PNPLA3: variants seen among roughly 807,000 people sequenced by gnomAD.
The protein encoded by PNPLA3 is patatin like domain 3, 1-acylglycerol-3-phosphate O-acyltransferase.
In PNPLA3, 42 loss-of-function variants were observed where a neutral mutation model predicts 43.1. The observed-to-expected ratio is 0.97, with a 90% CI of 0.76 to 1.26. PNPLA3 has a LOEUF of 1.26. PNPLA3 is among the 50% of genes most tolerant of loss of function. PNPLA3 has a pLI of 0.00. For synonymous variants in PNPLA3, 272 were observed against 253.6 expected, an observed-to-expected ratio of 1.07 and a Z score of -0.69; for missense variants, 647 against 621.4, an observed-to-expected ratio of 1.04 and a Z score of -0.44.
intron 2 of PNPLA3, among the ~76,000 whole-genome samples, chr22:43,928,438 G>A (rs1032823970): frequency 1.3e-5 from 2 of 152,136 alleles, no homozygotes; most frequent in Admixed American, 6.5e-5. Flanking sequence ...GGGGAGGGAC[G>A]CAGAATCTCT....
chr22:43,945,315 G>A (rs892222116), intron 8 of PNPLA3, among the ~76,000 whole-genome samples: 1 of 152,316 alleles, frequency 6.6e-6, no homozygotes, highest in African/African-American at 2.4e-5. Context: ...GTGAAGCCTA[G>A]CAGTCTGCGT....
chr22:43,933,617 T>C (rs1405573711), intron 4 of PNPLA3, among the ~76,000 whole-genome samples: 5 of 152,076 alleles, frequency 3.3e-5, no homozygotes, highest in African/African-American at 1.2e-4. Context: ...CAAGCGATCC[T>C]CCCACCCCAG....
At chr22:43,926,364 G>T (rs1228804500) in intron 1 of PNPLA3, among the ~76,000 whole-genome samples, 12 of 152,192 alleles carry the variant, frequency 7.9e-5, no homozygotes, top group Non-Finnish European at 1.8e-4. Context: ...AGCCTGAGAG[G>T]CCAGGCCAGT....
At chr22:43,939,542 C>T (rs1488135805) in intron 6 of PNPLA3, 8 of 568,366 alleles carry the variant, frequency 1.4e-5, no homozygotes, top group African/African-American at 6.2e-5. Flanking sequence ...GGGCCGGGCG[C>T]GGTGGCTTAC....
intron 8 of PNPLA3, among the ~76,000 whole-genome samples, chr22:43,945,844 A>G (rs1176289302): frequency 6.6e-6 from 1 of 152,036 alleles, no homozygotes; most frequent in Non-Finnish European, 1.5e-5. Flanking sequence ...GGGTGGTAGG[A>G]CACCCTGGCA....
chr22:43,944,917 G>A, intron 8 of PNPLA3, 122 bp downstream of exon 8: 1 of 852,444 alleles, frequency 1.2e-6, no homozygotes, highest in Non-Finnish European at 1.9e-6. Flanking sequence ...CTTGGGTGTG[G>A]GGACCCTGTC....
chr22:43,935,959 C>T (rs116800324), intron 5 of PNPLA3, among the ~76,000 whole-genome samples: 2,237 of 152,040 alleles, frequency 0.015, 56 homozygotes, highest in African/African-American at 0.051. Context: ...ATCAGGGCTG[C>T]GAGGGTCATG....
At chr22:43,926,758 T>C (rs2049925036) in intron 1 of PNPLA3, among the ~76,000 whole-genome samples, 177 bp from the exon 2 acceptor site, 1 of 152,258 alleles carries the variant, frequency 6.6e-6, no homozygotes, top group Admixed American at 6.5e-5. Context: ...ATCTTACACA[T>C]CTCAGTTTTG....
Position 43,939,980 on chromosome 22 carries a change from T to A in PNPLA3, c.980-13T>A, listed in dbSNP as rs2146788449. ...AGTGGTGGGAGATAATAGCTCCAAA[T>A]TGTCTTTTTCAGCACTGAGTGAAGA... On this transcript the variant is annotated splice_polypyrimidine_tract_variant and intron_variant, in intron 6 of 8. Coordinates refer to ENST00000216180, the MANE Select transcript of PNPLA3 (RefSeq NM_025225.3). 1 of 1,612,814 alleles carries A rather than the reference T, an allele frequency of 6.2e-7. No homozygotes were observed. Among genetic ancestry groups the A allele is most frequent in the Non-Finnish European group, 8.5e-7 (1 of 1,179,276 alleles).
intron 8 of PNPLA3, among the ~76,000 whole-genome samples, chr22:43,945,109 G>A (rs936434309): frequency 2.0e-5 from 3 of 152,224 alleles, no homozygotes; most frequent in Admixed American, 2.0e-4. Context: ...AGACAGAGTG[G>A]CTGGGATGAG....
chr22:43,929,776 T>C (rs2146777705), intron 3 of PNPLA3, among the ~76,000 whole-genome samples: 1 of 151,946 alleles, frequency 6.6e-6, no homozygotes, highest in East Asian at 2.0e-4. Context: ...TTTGTATTTT[T>C]AGTAGAGACA....
chr22:43,946,619 C>T lies in PNPLA3; in HGVS notation c.*237C>T, dbSNP rs879815096. On this transcript the variant is annotated 3_prime_UTR_variant, in exon 9 of 9. Transcript: ENST00000216180. ...AATTCAGCTGGTTGGGAAATGACAC[C>T]AGGAAGCCCAGTGCAGAGGGTCCCT... 10 of 705,398 alleles carry T rather than the reference C, an allele frequency of 1.4e-5. No individual in the cohort carries two copies. Among genetic ancestry groups the T allele is most frequent in the Non-Finnish European group, 2.6e-5 (10 of 382,890 alleles). The allele number at this position is 705,398 out of a possible 1,614,324, so 43.7% of individuals were successfully genotyped here.
intron 2 of PNPLA3, among the ~76,000 whole-genome samples, chr22:43,928,071 T>C (rs2049936628): frequency 6.6e-6 from 1 of 152,220 alleles, no homozygotes; most frequent in Non-Finnish European, 1.5e-5. Context: ...AGAGAGAAGA[T>C]AATTTGTAAT....
In PNPLA3 at chr22:43,947,458, C is replaced by G. The variant is rs886057605; in HGVS notation, c.*1076C>G. On this transcript the variant is annotated 3_prime_UTR_variant, in exon 9 of 9. Coordinates refer to ENST00000216180, the MANE Select transcript of PNPLA3 (RefSeq NM_025225.3). ...AGCACAGCAGGAGCTTCCGCCTCCT[C>G]TCCACTGGAGCACACAACTTGAACC... is the stretch of plus-strand genomic sequence containing the variant. 1 of 157,692 alleles carries G rather than the reference C, an allele frequency of 6.3e-6. No homozygotes were observed. The highest frequency in any genetic ancestry group is 1.4e-5 in the Non-Finnish European group (1 of 71,768). 9.8% of individuals were successfully genotyped at this position (157,692 alleles called of 1,614,324 possible). A position where few individuals can be genotyped will look rare whatever the true frequency, so the allele number is the denominator to read the frequency against.
intron 2 of PNPLA3, 74 bp from the exon 3 acceptor site, chr22:43,928,750 A>C: frequency 7.1e-7 from 1 of 1,409,002 alleles, no homozygotes; most frequent in Non-Finnish European, 1.0e-6. Context: ...GCTCACTTGG[A>C]GAAAGCTTAT....
rs145757370 is a variant in PNPLA3 at position 43,934,658 on chromosome 22, A to G, written c.749A>G (p.Glu250Gly). ...RGYLDAFRFL[E>G]EKGICNRPQP... ...TATTTGGATGCATTCAGGTTCTTGG[A>G]AGAGAAGGGTATGTATGGGCTGGGA... The change falls in exon 5 of 9, where the codon GAA becomes GGA. Residue 250 changes from glutamate (E) to glycine (G), a missense_variant. Transcript: ENST00000216180. The G allele has an allele frequency of 1.2e-6, 2 of 1,612,676 alleles. No individual in the cohort carries two copies. The highest frequency in any genetic ancestry group is 2.7e-5 in the African/African-American group (2 of 74,854).
intron 2 of PNPLA3, 30 bp from the exon 3 acceptor site, chr22:43,928,794 C>T (rs2049942001): frequency 6.3e-7 from 1 of 1,585,604 alleles, no homozygotes; most frequent in Non-Finnish European, 8.7e-7. Context: ...GTGCTCTCGC[C>T]TATAACTTCT....
Position 43,927,149 on chromosome 22 carries a change from CAA to C in PNPLA3, c.404_405del (p.Lys135ArgfsTer36). The C allele has an allele frequency of 2.5e-6, 4 of 1,614,102 alleles. No individual in the cohort carries two copies. Among genetic ancestry groups the C allele is most frequent in the Non-Finnish European group, 3.4e-6 (4 of 1,179,974 alleles). On this transcript the variant is annotated frameshift_variant, in exon 2 of 9. Coordinates refer to ENST00000216180, the MANE Select transcript of PNPLA3 (RefSeq NM_025225.3). LOFTEE classifies it high-confidence loss of function. ...ENVLVSDFRS[K>X]DEVVDALVCS... is the part of the protein sequence containing the mutation. Reference sequence around the variant, plus strand: ...ACGTTCTGGTGTCTGACTTTCGGTCCAAAGACGAAGTCGTGGATGTAAGCAGT... The same window carrying C: ...ACGTTCTGGTGTCTGACTTTCGGTCCAGACGAAGTCGTGGATGTAAGCAGT...
At chr22:43,928,921 C>T in intron 3 of PNPLA3, 32 bp downstream of exon 3, 1 of 1,573,664 alleles carries the variant, frequency 6.4e-7, no homozygotes, top group South Asian at 1.1e-5. Flanking sequence ...GCGCTGAGTC[C>T]TGGGGGCCTC....
Sources: allele counts gnomAD v4.1 joint callset (sites outside exome capture counted in the v4.1 genomes callset), GRCh38; gene constraint gnomAD v4.1.1; transcripts MANE v1.5; gene names NCBI Gene and HGNC (gene_info 2026-07-23, HGNC 2026-07-21).